The following RAPGEF5 variants were observed in gnomAD, a reference collection of about 807,000 sequenced individuals.
The protein encoded by RAPGEF5 is M-Ras-regulated GEF.
Under a neutral mutation model 125.2 loss-of-function variants are expected in RAPGEF5, and 65 were observed. The ratio of observed to expected loss-of-function variants is 0.52; its 90% CI spans 0.43 to 0.64. RAPGEF5 has a LOEUF of 0.64. Among genes scored for constraint, RAPGEF5 ranks in the 30% least tolerant of loss-of-function variants. RAPGEF5 has a pLI of 0.00. For synonymous variants in RAPGEF5, 391 were observed against 385.9 expected (o/e 1.01, Z -0.16); for missense variants, 958 against 1,048.1 (o/e 0.91, Z 1.19).
chr7:22,316,482 TATATATA>T (rs1266029317), intron 2 of RAPGEF5, among the ~76,000 whole-genome samples: 4,510 of 46,856 alleles, frequency 0.096, 154 homozygotes, highest in East Asian at 0.14. Flanking sequence ...TATATATATA[TATATATA>T]TTTTTTTTTT....
At chr7:22,252,829 T>C (rs1265781028) in intron 7 of RAPGEF5, among the ~76,000 whole-genome samples, 1 of 152,240 alleles carries the variant, frequency 6.6e-6, no homozygotes, top group African/African-American at 2.4e-5. Context: ...TTTCAATTAT[T>C]CCTGGGCTTT....
rs1784273378 is a variant in RAPGEF5, at chr7:22,348,780, A to G, written c.231+8050T>C. On this transcript the variant is annotated intron_variant, in intron 1 of 25. Transcript: ENST00000665637. ...GAAGAGAGTTTGATTAACAGGTACA[A>G]ATATACACTTAGATATAAGTGATGG... is the stretch of plus-strand genomic sequence containing the variant. Among the ~76,000 whole-genome samples, 3 of 152,360 alleles carry G rather than the reference A, an allele frequency of 2.0e-5. No homozygotes were observed. In the South Asian group the frequency reaches 6.2e-4, roughly 32 times the overall value.
At chr7:22,231,061 C>A in intron 7 of RAPGEF5, 142 bp from the exon 8 acceptor site, 1 of 805,304 alleles carries the variant, frequency 1.2e-6, no homozygotes, top group Non-Finnish European at 2.0e-6. Context: ...TTTTGTTAAT[C>A]AAATGTGAAG....
chr7:22,123,806 C>G (rs945369853), intron 25 of RAPGEF5, among the ~76,000 whole-genome samples: 1 of 152,172 alleles, frequency 6.6e-6, no homozygotes, highest in African/African-American at 2.4e-5. Context: ...TAACACGATG[C>G]TACAAAGGTA....
intron 8 of RAPGEF5, chr7:22,220,363 C>A: frequency 5.8e-6 from 1 of 170,974 alleles, no homozygotes; most frequent in Non-Finnish European, 1.3e-5. Context: ...TAGCCAGGAA[C>A]CACACTGGTG....
At chr7:22,167,398 T>C (rs1436233383) in intron 11 of RAPGEF5, among the ~76,000 whole-genome samples, 1 of 152,250 alleles carries the variant, frequency 6.6e-6, no homozygotes, top group Non-Finnish European at 1.5e-5. Context: ...TACAATTTTG[T>C]TATCATCTTG....
intron 7 of RAPGEF5, among the ~76,000 whole-genome samples, chr7:22,244,276 T>A (rs1420311706): frequency 6.6e-6 from 1 of 152,102 alleles, no homozygotes; most frequent in East Asian, 1.9e-4. Flanking sequence ...TGATTCCATA[T>A]CTCAGCAATT....
Position 22,251,621 on chromosome 7 carries a change from A to T in RAPGEF5, c.796+15343T>A, listed in dbSNP as rs923976448. The stretch of plus-strand genomic sequence containing the variant: ...TAAATCATTAAATAAAGTGGCCCTG[A>T]TTGCACTGCTGACTTCTGATTTGGT... On this transcript the variant is annotated intron_variant, in intron 7 of 25. Coordinates refer to ENST00000665637, the MANE Select transcript of RAPGEF5 (RefSeq NM_012294.5). Among the ~76,000 whole-genome samples, 3 of 152,078 alleles carry T rather than the reference A, an allele frequency of 2.0e-5. No individual in the cohort carries two copies. In the South Asian group the frequency reaches 6.2e-4, roughly 32 times the overall value.
intron 9 of RAPGEF5, 92 bp downstream of exon 9, chr7:22,219,774 T>C: frequency 6.9e-7 from 1 of 1,451,706 alleles, no homozygotes; most frequent in South Asian, 1.6e-5. Flanking sequence ...CTAAAGAATT[T>C]AAAATAAAAT....
intron 24 of RAPGEF5, among the ~76,000 whole-genome samples, chr7:22,130,168 G>A (rs184396625): frequency 3.7e-4 from 57 of 152,262 alleles, no homozygotes; most frequent in African/African-American, 1.2e-3. Context: ...TACTGGTATC[G>A]TCTTTAACCA....
At chr7:22,292,042 C>G (rs1183436761) in intron 5 of RAPGEF5, among the ~76,000 whole-genome samples, 1 of 152,190 alleles carries the variant, frequency 6.6e-6, no homozygotes, top group East Asian at 1.9e-4. Context: ...AAAATTGTCT[C>G]CAAGATCTAT....
chr7:22,311,094 C>T (rs888608232), intron 3 of RAPGEF5, among the ~76,000 whole-genome samples: 5 of 152,108 alleles, frequency 3.3e-5, no homozygotes, highest in East Asian at 1.9e-4. Flanking sequence ...GGTGCAATCT[C>T]GGCTTACTGC....
At chr7:22,327,217 G>A (rs898723074) in intron 1 of RAPGEF5, among the ~76,000 whole-genome samples, 22 of 152,062 alleles carry the variant, frequency 1.4e-4, no homozygotes, top group Non-Finnish European at 2.9e-4. Context: ...CACTCTCTCC[G>A]CCTAGAATGC....
chr7:22,225,306 G>A (rs1785893346), intron 8 of RAPGEF5, among the ~76,000 whole-genome samples: 1 of 152,108 alleles, frequency 6.6e-6, no homozygotes, highest in Non-Finnish European at 1.5e-5. Flanking sequence ...TGGGCTTCAG[G>A]CTAACTTATT....
At chr7:22,314,022 C>T (rs1442267643) in intron 3 of RAPGEF5, among the ~76,000 whole-genome samples, 3 of 152,136 alleles carry the variant, frequency 2.0e-5, no homozygotes. Flanking sequence ...CACACAAAGG[C>T]ATTGTTTGTA....
rs149667485 is a variant in RAPGEF5 at position 22,340,994 on chromosome 7, A to G, written c.231+15836T>C. 4.4e-3 allele frequency among the ~76,000 whole-genome samples: 668 copies of G among 152,340 alleles called. 11 individuals carry two copies. The highest frequency in any genetic ancestry group is 0.015 in the African/African-American group (638 of 41,586). On this transcript the variant is annotated intron_variant, in intron 1 of 25. Transcript: ENST00000665637. ...CGAGGTGACTTATCATTATGGCCTC[A>G]GCTGCATGAGGTCATCCCTTGACTC...
At chr7:22,301,567 A>G (rs1249960736) in intron 5 of RAPGEF5, among the ~76,000 whole-genome samples, 3 of 147,888 alleles carry the variant, frequency 2.0e-5, no homozygotes, top group Non-Finnish European at 4.4e-5. Flanking sequence ...GTAAGCCGAG[A>G]TCGTGCCACT....
At chr7:22,157,807 G>A (rs753278720) in intron 15 of RAPGEF5, 48 bp downstream of exon 15, 5 of 1,568,986 alleles carry the variant, frequency 3.2e-6, no homozygotes, top group Non-Finnish European at 3.5e-6. Context: ...GCAAGGCAAG[G>A]TCTCCAAACC....
chr7:22,138,045 A>G (rs909890772), intron 21 of RAPGEF5, among the ~76,000 whole-genome samples: 9 of 151,768 alleles, frequency 5.9e-5, no homozygotes, highest in Admixed American at 1.3e-4. Context: ...GCACGCACGC[A>G]CACACACACC....
Sources: allele counts gnomAD v4.1 joint callset (sites outside exome capture counted in the v4.1 genomes callset), GRCh38; gene constraint gnomAD v4.1.1; transcripts MANE v1.5; gene names NCBI Gene and HGNC (gene_info 2026-07-23, HGNC 2026-07-21).